TAFA1: variants seen among roughly 807,000 people sequenced by gnomAD.
TAFA1 encodes the protein chemokine-like protein TAFA-1.
In TAFA1, 4 loss-of-function variants were observed where a neutral mutation model predicts 18.5. The observed-to-expected ratio is 0.22, with a 90% CI of 0.11 to 0.49. The LOEUF (loss-of-function observed/expected upper bound fraction) is 0.49, where lower values mean the gene tolerates loss of function less well. Among genes scored for constraint, TAFA1 ranks in the 20% least tolerant of loss-of-function variants. The probability of loss-of-function intolerance (pLI) is 0.98; values close to 1 mark genes in which losing one functional copy is unlikely to be tolerated. For synonymous variants in TAFA1, 56 were observed against 55.2 expected (o/e 1.01, Z -0.06); for missense variants, 147 against 169.0 (o/e 0.87, Z 0.72).
At chr3:68,181,463 T>C (rs1431979064) in intron 2 of TAFA1, among the ~76,000 whole-genome samples, 1 of 152,084 alleles carries the variant, frequency 6.6e-6, no homozygotes, top group Non-Finnish European at 1.5e-5. Flanking sequence ...TTTGGTCTAA[T>C]AACTGATGTT....
chr3:68,271,967 C>A (rs187922639), intron 2 of TAFA1, among the ~76,000 whole-genome samples: 2 of 152,204 alleles, frequency 1.3e-5, no homozygotes, highest in Admixed American at 1.3e-4. Context: ...TTCAAGTATA[C>A]AGTGATTTGC....
intron 2 of TAFA1, among the ~76,000 whole-genome samples, chr3:68,366,670 T>C (rs1203204884): frequency 6.6e-6 from 1 of 152,220 alleles, no homozygotes; most frequent in Non-Finnish European, 1.5e-5. Flanking sequence ...AATCCAGCTT[T>C]GGACTCGGGA....
At chr3:68,430,346 G>T (rs2071145955) in intron 3 of TAFA1, among the ~76,000 whole-genome samples, 1 of 151,990 alleles carries the variant, frequency 6.6e-6, no homozygotes, top group Non-Finnish European at 1.5e-5. Context: ...AGCCATGGTG[G>T]TGGAAGCCCA....
At chr3:68,113,043 T>C (rs1398037889) in intron 2 of TAFA1, among the ~76,000 whole-genome samples, 1 of 152,196 alleles carries the variant, frequency 6.6e-6, no homozygotes, top group Non-Finnish European at 1.5e-5. Context: ...ACTTGGCAGG[T>C]AGAATTTTAG....
chr3:68,181,220 G>T (rs1236024561), intron 2 of TAFA1, among the ~76,000 whole-genome samples: 1 of 152,212 alleles, frequency 6.6e-6, no homozygotes, highest in East Asian at 1.9e-4. Flanking sequence ...GTCAGGTGGG[G>T]CTGGCTAGTG....
intron 2 of TAFA1, among the ~76,000 whole-genome samples, chr3:68,232,251 A>T (rs371445451): frequency 6.6e-6 from 1 of 152,040 alleles, no homozygotes; most frequent in African/African-American, 2.4e-5. Flanking sequence ...AATAACCACA[A>T]TTCTACTCTC....
intron 2 of TAFA1, among the ~76,000 whole-genome samples, chr3:68,266,993 CT>C (rs34253240): frequency 6.6e-6 from 1 of 152,124 alleles, no homozygotes; most frequent in South Asian, 2.1e-4. Flanking sequence ...GTACAGGGGG[CT>C]TTGGGTGCCA....
intron 2 of TAFA1, among the ~76,000 whole-genome samples, chr3:68,224,315 G>C (rs984861418): frequency 2.0e-5 from 3 of 152,082 alleles, no homozygotes; most frequent in African/African-American, 7.2e-5. Context: ...CACACCTGCT[G>C]ATTTAGCTTT....
intron 2 of TAFA1, among the ~76,000 whole-genome samples, chr3:68,103,810 C>T (rs2065176024): frequency 6.6e-6 from 1 of 152,136 alleles, no homozygotes; most frequent in Non-Finnish European, 1.5e-5. Context: ...CTTCAGTTCT[C>T]ATTGAACCTA....
intron 2 of TAFA1, among the ~76,000 whole-genome samples, chr3:68,316,528 T>C (rs2068607899): frequency 6.6e-6 from 1 of 152,220 alleles, no homozygotes; most frequent in Non-Finnish European, 1.5e-5. Context: ...CCGGGCTTTT[T>C]CTCTCTTTTT....
chr3:68,321,401 G>T lies in TAFA1; in HGVS notation c.119-95879G>T, dbSNP rs79364742. Among the ~76,000 whole-genome samples the T allele has an allele frequency of 9.8e-3, 1,495 of 152,226 alleles. 38 individuals carry two copies. The highest frequency in any genetic ancestry group is 0.033 in the African/African-American group (1,389 of 41,530). On this transcript the variant is annotated intron_variant, in intron 2 of 4. Coordinates refer to ENST00000478136, the MANE Select transcript of TAFA1 (RefSeq NM_213609.4). ...TGTTAGTATGGCCATCTCCTCTGGG[G>T]TGTCTTTAATTAATATTTCCTTTGA...
chr3:68,244,842 T>C (rs1347648319), intron 2 of TAFA1, among the ~76,000 whole-genome samples: 2 of 152,238 alleles, frequency 1.3e-5, no homozygotes, highest in African/African-American at 2.4e-5. Flanking sequence ...CAGGGTATTG[T>C]TATTATCAAC....
At chr3:68,518,730 T>C (rs535296424) in intron 3 of TAFA1, among the ~76,000 whole-genome samples, 1 of 152,160 alleles carries the variant, frequency 6.6e-6, no homozygotes, top group African/African-American at 2.4e-5. Flanking sequence ...TGTAGAGGGG[T>C]TAAGACAAGG....
rs189336436 is a variant in TAFA1, at chr3:68,442,115, A to G, written c.259+24695A>G. Among the ~76,000 whole-genome samples the G allele has an allele frequency of 3.8e-3, 572 of 152,192 alleles. 3 individuals carry two copies. Among genetic ancestry groups the G allele is most frequent in the Non-Finnish European group, 6.8e-3 (461 of 68,004 alleles). ...TCCACATTTTCAGGTATTCATGATC[A>G]CCACCACCCCACTCCTTATATCAAT... On this transcript the variant is annotated intron_variant, in intron 3 of 4. Coordinates refer to ENST00000478136, the MANE Select transcript of TAFA1 (RefSeq NM_213609.4).
At chr3:68,341,325 A>G (rs997530106) in intron 2 of TAFA1, among the ~76,000 whole-genome samples, 5 of 152,012 alleles carry the variant, frequency 3.3e-5, no homozygotes, top group African/African-American at 1.2e-4. Context: ...TCTTCTTTTC[A>G]TAGGTGGGAT....
intron 2 of TAFA1, among the ~76,000 whole-genome samples, chr3:68,381,007 C>A (rs1381074531): frequency 6.9e-6 from 1 of 144,696 alleles, no homozygotes; most frequent in African/African-American, 2.6e-5. Flanking sequence ...GTTTTCCCAG[C>A]ACCATTTATT....
chr3:68,218,106 A>T (rs1575686464), intron 2 of TAFA1, among the ~76,000 whole-genome samples: 1 of 152,130 alleles, frequency 6.6e-6, no homozygotes, highest in East Asian at 1.9e-4. Flanking sequence ...ATCCCACATG[A>T]TTTGATGTTT....
At chr3:68,155,334 G>A (rs1575649534) in intron 2 of TAFA1, among the ~76,000 whole-genome samples, 1 of 152,164 alleles carries the variant, frequency 6.6e-6, no homozygotes, top group Non-Finnish European at 1.5e-5. Flanking sequence ...GACAGGGATA[G>A]CACATTCGCA....
intron 2 of TAFA1, among the ~76,000 whole-genome samples, chr3:68,153,639 A>T (rs969503702): frequency 6.6e-6 from 1 of 152,132 alleles, no homozygotes; most frequent in Non-Finnish European, 1.5e-5. Flanking sequence ...ATTTGCAGAG[A>T]GAACTTCATG....
Sources: allele counts gnomAD v4.1 joint callset (sites outside exome capture counted in the v4.1 genomes callset), GRCh38; gene constraint gnomAD v4.1.1; transcripts MANE v1.5; gene names NCBI Gene and HGNC (gene_info 2026-07-23, HGNC 2026-07-21).